The following CCSER1 variants were observed in gnomAD, a reference collection of about 807,000 sequenced individuals.
CCSER1 encodes serine-rich coiled-coil domain-containing protein 1.
Under a neutral mutation model 82.0 loss-of-function variants are expected in CCSER1, and 41 were observed. The ratio of observed to expected loss-of-function variants is 0.50; its 90% CI spans 0.39 to 0.65. CCSER1 has a LOEUF of 0.65. Ranked by LOEUF, CCSER1 falls within the 30% of genes least tolerant of loss-of-function variation. The pLI is 0.00. For synonymous variants in CCSER1, 414 were observed against 383.9 expected (o/e 1.08, Z -0.92); for missense variants, 1,119 against 1,064.2 (o/e 1.05, Z -0.72).
chr4:90,615,153 A>G (rs1392515284), intron 5 of CCSER1, among the ~76,000 whole-genome samples: 1 of 149,972 alleles, frequency 6.7e-6, no homozygotes, highest in Non-Finnish European at 1.5e-5. Context: ...CTCAGAAAAA[A>G]ACAAGATTTC....
chr4:90,128,678 G>T lies in CCSER1; in HGVS notation c.-42+847G>T, dbSNP rs372708938. Among the ~76,000 whole-genome samples, 320 of 152,222 alleles carry T rather than the reference G, an allele frequency of 2.1e-3. 4 individuals carry two copies. The highest frequency in any genetic ancestry group is 6.6e-3 in the African/African-American group (275 of 41,544). On this transcript the variant is annotated intron_variant, in intron 1 of 10. Coordinates refer to ENST00000509176, the MANE Select transcript of CCSER1 (RefSeq NM_001145065.2). ...CCAGCAAGGGGTAAGGGTGACGGAGGGATTTGTGAATGGTGCTTCTGCGTG... is the reference window on the plus strand; with the variant it reads ...CCAGCAAGGGGTAAGGGTGACGGAGTGATTTGTGAATGGTGCTTCTGCGTG...
intron 7 of CCSER1, among the ~76,000 whole-genome samples, chr4:90,793,882 A>G (rs1755619627): frequency 1.3e-5 from 2 of 152,008 alleles, no homozygotes; most frequent in South Asian, 4.2e-4. Flanking sequence ...GTGGTGTCTC[A>G]TTGTGGTTTT....
intron 10 of CCSER1, among the ~76,000 whole-genome samples, chr4:91,315,878 A>G (rs765988275): frequency 3.3e-5 from 5 of 151,948 alleles, no homozygotes; most frequent in Non-Finnish European, 7.4e-5. Flanking sequence ...TTAGTATCAT[A>G]ATTGATATGG....
chr4:90,688,149 C>T (rs1205048766), intron 6 of CCSER1, among the ~76,000 whole-genome samples: 2 of 152,126 alleles, frequency 1.3e-5, no homozygotes, highest in African/African-American at 4.8e-5. Context: ...TCTACCTAGG[C>T]CACGTGTTAA....
At chr4:90,429,072 T>A (rs1757918240) in intron 4 of CCSER1, among the ~76,000 whole-genome samples, 1 of 151,828 alleles carries the variant, frequency 6.6e-6, no homozygotes, top group Non-Finnish European at 1.5e-5. Flanking sequence ...CATTTGTGTA[T>A]TTGTGTGTGT....
intron 10 of CCSER1, among the ~76,000 whole-genome samples, chr4:91,336,762 TTTATC>T (rs985244715): frequency 6.6e-5 from 10 of 152,066 alleles, no homozygotes; most frequent in African/African-American, 2.4e-4. Context: ...AAACATTACT[TTTATC>T]TGATTAAAAT....
intron 10 of CCSER1, among the ~76,000 whole-genome samples, chr4:91,259,007 A>G (rs1190969397): frequency 1.3e-5 from 2 of 152,186 alleles, no homozygotes; most frequent in African/African-American, 4.8e-5. Context: ...TAGTATAAAA[A>G]TGAAATCTAA....
intron 5 of CCSER1, among the ~76,000 whole-genome samples, chr4:90,484,220 C>T (rs975124252): frequency 6.6e-6 from 1 of 152,198 alleles, no homozygotes; most frequent in Non-Finnish European, 1.5e-5. Context: ...TTTTTGGCTC[C>T]ATGAGGTCCT....
intron 9 of CCSER1, among the ~76,000 whole-genome samples, chr4:90,939,689 A>T (rs1422383183): frequency 6.6e-6 from 1 of 152,154 alleles, no homozygotes; most frequent in African/African-American, 2.4e-5. Context: ...AACCTTTATA[A>T]ATATGTTATA....
chr4:90,876,788 C>T (rs1374794570), intron 8 of CCSER1, among the ~76,000 whole-genome samples: 1 of 152,096 alleles, frequency 6.6e-6, no homozygotes, highest in East Asian at 1.9e-4. Context: ...CAATTATTGT[C>T]TCCTATTAAC....
chr4:90,192,646 C>T (rs773327843), intron 1 of CCSER1, among the ~76,000 whole-genome samples: 3 of 152,018 alleles, frequency 2.0e-5, no homozygotes, highest in Non-Finnish European at 4.4e-5. Context: ...CCTAGTGCAT[C>T]GTTCCTGGCC....
intron 8 of CCSER1, among the ~76,000 whole-genome samples, chr4:90,874,582 A>G (rs1011658493): frequency 1.3e-5 from 2 of 152,126 alleles, no homozygotes; most frequent in African/African-American, 4.8e-5. Context: ...TAACATTCCT[A>G]AGTATCTATT....
chr4:90,288,013 C>T (rs948831162), intron 1 of CCSER1, among the ~76,000 whole-genome samples: 14 of 151,798 alleles, frequency 9.2e-5, no homozygotes, highest in Non-Finnish European at 1.8e-4. Context: ...TCTCTCATCC[C>T]TCTATCAATA....
intron 7 of CCSER1, among the ~76,000 whole-genome samples, chr4:90,742,513 C>A (rs1422061405): frequency 6.6e-6 from 1 of 152,124 alleles, no homozygotes; most frequent in Non-Finnish European, 1.5e-5. Context: ...CTCATCCCTT[C>A]CAACATGTGA....
At chr4:91,299,455 CTG>C (rs978508077) in intron 10 of CCSER1, among the ~76,000 whole-genome samples, 1 of 151,972 alleles carries the variant, frequency 6.6e-6, no homozygotes, top group Non-Finnish European at 1.5e-5. Flanking sequence ...AAGGACTTAT[CTG>C]TGCATCATAC....
chr4:90,978,921 T>C (rs1735853583), intron 9 of CCSER1, among the ~76,000 whole-genome samples: 2 of 151,848 alleles, frequency 1.3e-5, no homozygotes, highest in South Asian at 4.1e-4. Flanking sequence ...TCACAAAATA[T>C]GTATTTAAAT....
rs149390944 is a variant in CCSER1 at position 91,320,426 on chromosome 4, A to G, written c.2217+234432A>G. Among the ~76,000 whole-genome samples the G allele has an allele frequency of 3.0e-4, 45 of 152,162 alleles. 1 individual carries two copies. The East Asian group carries it at 8.7e-3, about 29-fold the overall frequency. On this transcript the variant is annotated intron_variant, in intron 10 of 10. Coordinates refer to ENST00000509176, the MANE Select transcript of CCSER1 (RefSeq NM_001145065.2). ...GCATGATTGTGCATAATTATAGTAG[A>G]CAAATACAGTGCAAATTAAAGAATT...
At position 90,691,050 on chromosome 4, in the gene CCSER1, T is replaced by C. The variant is rs574532404; in HGVS notation, c.1933-32864T>C. On this transcript the variant is annotated intron_variant, in intron 6 of 10. Coordinates refer to ENST00000509176, the MANE Select transcript of CCSER1 (RefSeq NM_001145065.2). ...AATAGTTCATGTGTAAGATGGTTGC[T>C]GTGAGAGTTATAAATGCTCAGTGCA... Among the ~76,000 whole-genome samples the C allele has an allele frequency of 3.4e-4, 52 of 152,198 alleles. 3 individuals are homozygous for C. In the South Asian group the frequency reaches 8.3e-3, roughly 24 times the overall value.
intron 9 of CCSER1, among the ~76,000 whole-genome samples, chr4:91,034,164 G>A (rs1166315379): frequency 6.6e-6 from 1 of 152,140 alleles, no homozygotes; most frequent in Non-Finnish European, 1.5e-5. Flanking sequence ...AAGAGCAGAG[G>A]CTGTATTCAT....
Sources: allele counts gnomAD v4.1 joint callset (sites outside exome capture counted in the v4.1 genomes callset), GRCh38; gene constraint gnomAD v4.1.1; transcripts MANE v1.5; gene names NCBI Gene and HGNC (gene_info 2026-07-23, HGNC 2026-07-21).